Variants in CLPX observed in about 807,000 individuals in gnomAD.
CLPX encodes the protein caseinolytic mitochondrial matrix peptidase chaperone subunit X.
Under a neutral mutation model 76.4 loss-of-function variants are expected in CLPX, and 34 were observed. That is an observed-to-expected ratio of 0.45 (90% CI 0.34 to 0.59). The LOEUF (loss-of-function observed/expected upper bound fraction) is 0.59. Among genes scored for constraint, CLPX ranks in the 20% least tolerant of loss-of-function variants. The probability of loss-of-function intolerance (pLI) is 0.01; values close to 1 mark genes in which losing one functional copy is unlikely to be tolerated. For synonymous variants in CLPX, 248 were observed against 270.9 expected, an observed-to-expected ratio of 0.92 and a Z score of 0.83; for missense variants, 613 against 757.0, an observed-to-expected ratio of 0.81 and a Z score of 2.23.
chr15:65,185,193 C>G lies in CLPX; in HGVS notation c.-40G>C. The G allele has an allele frequency of 6.6e-7, 1 of 1,508,280 alleles. No individual in the cohort carries two copies. The highest frequency in any genetic ancestry group is 9.0e-7 in the Non-Finnish European group (1 of 1,109,766). 93.4% of individuals were successfully genotyped at this position (1,508,280 alleles called of 1,614,324 possible). A position where few individuals can be genotyped will look rare whatever the true frequency, so the allele number is the denominator to read the frequency against. On this transcript the variant is annotated 5_prime_UTR_variant, in exon 1 of 14. Transcript: ENST00000300107. Reference sequence around the variant, plus strand: ...GGCCGGGGCTTCGCCCCCTGAGGACCTCCGGGTCACAGCGGCGTGAATCCT... The same window carrying G: ...GGCCGGGGCTTCGCCCCCTGAGGACGTCCGGGTCACAGCGGCGTGAATCCT...
chr15:65,154,566 G>A (rs1448782364), intron 11 of CLPX: 1 of 500,438 alleles, frequency 2.0e-6, no homozygotes, highest in African/African-American at 1.9e-5. Flanking sequence ...TTGGGCTTTA[G>A]GCTATAATGA....
Position 65,180,066 on chromosome 15 carries a change from T to C in CLPX, c.218A>G (p.Asp73Gly), listed in dbSNP as rs1193649918. Residue 73 changes from aspartate (D) to glycine (G), a missense_variant, in exon 2 of 14, where the codon GAT (aspartate) becomes GGT (glycine). By Grantham distance (94) the Asp-to-Gly change is moderately conservative. Coordinates refer to ENST00000300107, the MANE Select transcript of CLPX (RefSeq NM_006660.5). ...YFASKDGISKDGSGDGNKKSA... is the reference protein window; with the variant it reads ...YFASKDGISKGGSGDGNKKSA... Reference sequence around the variant, plus strand: ...TACCTTATTTCCATCTCCAGAACCATCTTTACTTATCCCATCTTTTGAGGC... The same window carrying C: ...TACCTTATTTCCATCTCCAGAACCACCTTTACTTATCCCATCTTTTGAGGC... 1.2e-6 allele frequency: 2 copies of C among 1,609,898 alleles called. No homozygotes were observed. The highest frequency in any genetic ancestry group is 1.7e-5 in the Admixed American group (1 of 59,554).
chr15:65,184,450 T>A (rs1459443887), intron 1 of CLPX: 1 of 152,410 alleles, frequency 6.6e-6, no homozygotes, highest in Admixed American at 6.5e-5. Flanking sequence ...CTTCTCCCCA[T>A]CTCTCCCGCC....
chr15:65,161,997 A>G (rs2087861402), intron 6 of CLPX, among the ~76,000 whole-genome samples: 1 of 152,102 alleles, frequency 6.6e-6, no homozygotes, highest in African/African-American at 2.4e-5. Flanking sequence ...AAACTTAGCT[A>G]ATTTTCTTTA....
At chr15:65,161,291 T>C (rs1174960075) in intron 6 of CLPX, among the ~76,000 whole-genome samples, 2 of 152,184 alleles carry the variant, frequency 1.3e-5, no homozygotes, top group African/African-American at 4.8e-5. Context: ...AAAAGCTGTA[T>C]GTTGGTCTCT....
intron 3 of CLPX, 57 bp from the exon 4 acceptor site, chr15:65,166,842 T>G (rs2087921505): frequency 1.3e-6 from 2 of 1,538,060 alleles, no homozygotes; most frequent in African/African-American, 2.8e-5. Context: ...CAATAGTGTT[T>G]AACCTTAAAG....
chr15:65,157,989 T>G, intron 7 of CLPX, 79 bp from the exon 8 acceptor site: 1 of 1,248,992 alleles, frequency 8.0e-7, no homozygotes, highest in African/African-American at 1.5e-5. Flanking sequence ...CAAAATAAAT[T>G]TTAGTAGTAT....
At chr15:65,163,391 T>C (rs958675601) in intron 5 of CLPX, among the ~76,000 whole-genome samples, 5 of 152,172 alleles carry the variant, frequency 3.3e-5, no homozygotes, top group Admixed American at 6.5e-5. Context: ...AAAGATAATG[T>C]AGACTTATAA....
chr15:65,160,621 TCTCACACACACACACACA>T (rs1319109678), intron 6 of CLPX, among the ~76,000 whole-genome samples: 1 of 128,524 alleles, frequency 7.8e-6, no homozygotes, highest in East Asian at 2.2e-4. Flanking sequence ...TCTCTCTCTC[TCTCACACACACACACACA>T]CACACACACA....
chr15:65,158,387 G>T (rs540417281), intron 7 of CLPX, 188 bp downstream of exon 7: 68 of 497,702 alleles, frequency 1.4e-4, no homozygotes, highest in Non-Finnish European at 2.2e-4. Context: ...GGATTGGCCT[G>T]AAGGGCAACA....
chr15:65,157,981 A>T, intron 7 of CLPX, 71 bp from the exon 8 acceptor site: 5 of 1,362,350 alleles, frequency 3.7e-6, no homozygotes, highest in Non-Finnish European at 5.0e-6. Context: ...TAAAAATGCA[A>T]AATAAATTTT....
intron 3 of CLPX, among the ~76,000 whole-genome samples, chr15:65,176,542 ATTAG>A (rs2088093340): frequency 1.3e-5 from 2 of 151,890 alleles, no homozygotes; most frequent in South Asian, 4.2e-4. Context: ...TTTATTAAAT[ATTAG>A]TTTCTTTCCT....
At chr15:65,151,986 G>A (rs1259616254) in intron 13 of CLPX, among the ~76,000 whole-genome samples, 1 of 152,092 alleles carries the variant, frequency 6.6e-6, no homozygotes, top group African/African-American at 2.4e-5. Context: ...CTGGAGTGCA[G>A]TGGTGCGATC....
chr15:65,166,914 G>A, intron 3 of CLPX, 129 bp from the exon 4 acceptor site: 1 of 840,946 alleles, frequency 1.2e-6, no homozygotes, highest in Non-Finnish European at 1.8e-6. Context: ...CAATCTACTT[G>A]CCACACAAAC....
intron 9 of CLPX, 132 bp from the exon 10 acceptor site, chr15:65,155,988 T>C (rs1595936931): frequency 4.4e-6 from 3 of 674,180 alleles, no homozygotes; most frequent in East Asian, 5.6e-5. Flanking sequence ...AACTCCCACA[T>C]TCCTATAACT....
chr15:65,149,920 T>C lies in CLPX; in HGVS notation c.*903A>G, dbSNP rs1394282896. Reference sequence around the variant, plus strand: ...CAGACAACTTGGTAAGAAAATGGCCTTTTTTACAGAACCAATTGGGAAGTT... The same window carrying C: ...CAGACAACTTGGTAAGAAAATGGCCCTTTTTACAGAACCAATTGGGAAGTT... On this transcript the variant is annotated 3_prime_UTR_variant, in exon 14 of 14. Transcript: ENST00000300107. 1 of 154,412 alleles carries C rather than the reference T, an allele frequency of 6.5e-6. No homozygotes were observed. The highest frequency in any genetic ancestry group is 6.4e-5 in the Admixed American group (1 of 15,550). 9.6% of individuals were successfully genotyped at this position (154,412 alleles called of 1,614,324 possible). A position where few individuals can be genotyped will look rare whatever the true frequency, so the allele number is the denominator to read the frequency against.
intron 1 of CLPX, among the ~76,000 whole-genome samples, chr15:65,183,528 A>T (rs1418548109): frequency 6.6e-6 from 1 of 151,594 alleles, no homozygotes; most frequent in Non-Finnish European, 1.5e-5. Context: ...GATGGAAAGA[A>T]AGACAGAAAG....
intron 1 of CLPX, among the ~76,000 whole-genome samples, chr15:65,182,155 AAAGT>A (rs1232960830): frequency 6.6e-6 from 1 of 151,814 alleles, no homozygotes; most frequent in East Asian, 1.9e-4. Flanking sequence ...AGAAAAAGAA[AAAGT>A]AATTGAGGGA....
chr15:65,166,595 A>G lies in CLPX; in HGVS notation c.513+36T>C, dbSNP rs376031834. On this transcript the variant is annotated intron_variant, in intron 4 of 13. Transcript: ENST00000300107. ...AGGGAAGCAATGGAATGTTTTCAAG[A>G]TAAAATACTTGTAAGACTGAGCTTA... The G allele has an allele frequency of 3.1e-6, 5 of 1,603,700 alleles. No individual in the cohort carries two copies. In the African/African-American group the frequency reaches 5.4e-5, roughly 17 times the overall value.
Sources: allele counts gnomAD v4.1 joint callset (sites outside exome capture counted in the v4.1 genomes callset), GRCh38; gene constraint gnomAD v4.1.1; transcripts MANE v1.5; gene names NCBI Gene and HGNC (gene_info 2026-07-23, HGNC 2026-07-21).